Variants in KCNN2 observed in about 807,000 individuals in gnomAD.
KCNN2 encodes small conductance calcium-activated potassium channel protein 2.
KCNN2 carries 24 observed loss-of-function variants against 55.5 expected under a neutral mutation model. The observed-to-expected ratio is 0.43, with a 90% CI of 0.31 to 0.61. The LOEUF (loss-of-function observed/expected upper bound fraction) is 0.61, where lower values mean the gene tolerates loss of function less well. Among genes scored for constraint, KCNN2 ranks in the 20% least tolerant of loss-of-function variants. The pLI is 0.08. For synonymous variants in KCNN2, 431 were observed against 336.1 expected, an observed-to-expected ratio of 1.28 and a Z score of -3.09; for missense variants, 754 against 853.6, an observed-to-expected ratio of 0.88 and a Z score of 1.45.
chr5:114,293,818 G>C (rs1187769358), intron 2 of KCNN2, among the ~76,000 whole-genome samples: 1 of 152,056 alleles, frequency 6.6e-6, no homozygotes, highest in Non-Finnish European at 1.5e-5. Flanking sequence ...AATCCATCTG[G>C]TCCTGGACTC....
intron 3 of KCNN2, among the ~76,000 whole-genome samples, chr5:114,460,384 C>T (rs984570915): frequency 2.6e-5 from 4 of 151,912 alleles, no homozygotes; most frequent in Non-Finnish European, 4.4e-5. Context: ...GTGGGACTAT[C>T]GGCTTACACT....
chr5:114,260,040 A>G (rs1755071789), intron 2 of KCNN2, among the ~76,000 whole-genome samples: 1 of 152,160 alleles, frequency 6.6e-6, no homozygotes, highest in South Asian at 2.1e-4. Context: ...CGTCTGATTC[A>G]TCAGTGAGTC....
At chr5:114,394,894 T>C (rs1328835588) in intron 2 of KCNN2, among the ~76,000 whole-genome samples, 1 of 152,198 alleles carries the variant, frequency 6.6e-6, no homozygotes, top group African/African-American at 2.4e-5. Flanking sequence ...TGTTTTAAAA[T>C]TTATGTGGCT....
At chr5:114,204,820 T>A (rs894285919) in intron 1 of KCNN2, among the ~76,000 whole-genome samples, 1 of 152,244 alleles carries the variant, frequency 6.6e-6, no homozygotes, top group African/African-American at 2.4e-5. Flanking sequence ...CTTTGTTTTG[T>A]TAATCCACTG....
intron 1 of KCNN2, among the ~76,000 whole-genome samples, chr5:114,195,187 A>G (rs1437357711): frequency 6.6e-6 from 1 of 151,888 alleles, no homozygotes; most frequent in East Asian, 1.9e-4. Flanking sequence ...GCATTTACGT[A>G]TGAATTTTAA....
At chr5:114,180,673 T>G (rs1052964603) in intron 1 of KCNN2, among the ~76,000 whole-genome samples, 1 of 152,194 alleles carries the variant, frequency 6.6e-6, no homozygotes, top group Non-Finnish European at 1.5e-5. Context: ...CTTTATGAGC[T>G]TTGTAGATAC....
chr5:114,125,074 A>C (rs150190331), intron 1 of KCNN2, among the ~76,000 whole-genome samples: 17 of 152,322 alleles, frequency 1.1e-4, no homozygotes, highest in African/African-American at 3.6e-4. Context: ...TAAAACCTCA[A>C]CTAAAAGGGG....
chr5:114,185,764 ATTGC>A (rs1277288469), intron 1 of KCNN2, among the ~76,000 whole-genome samples: 7 of 152,210 alleles, frequency 4.6e-5, no homozygotes, highest in Non-Finnish European at 7.3e-5. Flanking sequence ...AATTTGCATG[ATTGC>A]TCAGAATTCA....
intron 1 of KCNN2, among the ~76,000 whole-genome samples, chr5:114,152,452 A>C (rs1036030315): frequency 1.3e-5 from 2 of 152,238 alleles, no homozygotes; most frequent in African/African-American, 4.8e-5. Context: ...ATTTGCAAAT[A>C]TAATTTTTTA....
At chr5:114,266,703 G>A (rs567745712) in intron 2 of KCNN2, among the ~76,000 whole-genome samples, 1 of 152,110 alleles carries the variant, frequency 6.6e-6, no homozygotes, top group Non-Finnish European at 1.5e-5. Context: ...AAAAGATTGA[G>A]CCAAAGCACA....
chr5:114,362,981 C>T lies in KCNN2; in HGVS notation c.842C>T (p.Ser281Phe), dbSNP rs967646810. 73 of 1,590,728 alleles carry T rather than the reference C, an allele frequency of 4.6e-5. No homozygotes were observed. The highest frequency in any genetic ancestry group is 5.4e-5 in the Non-Finnish European group (64 of 1,174,360). Residue 281 changes from serine to phenylalanine, a missense_variant, in exon 1 of 8, where the codon TCT (serine) becomes TTT (phenylalanine). Physicochemically the swap from Ser to Phe is radical, Grantham distance 155 (BLOSUM62 -2). Around this residue, in one of 4 missense-constraint regions of KCNN2, gnomAD observed 381 missense variants for 259.1 expected, o/e 1.47. Transcript: ENST00000673685. ...TCCTCAGCCCCCGAGATCGTGGTGT[C>T]TAAGCCCGAGCACAACAACTCCAAC... ...VSSSAPEIVV[S>F]KPEHNNSNNL...
At chr5:114,373,208 CA>C (rs779947387) in intron 2 of KCNN2, among the ~76,000 whole-genome samples, 3 of 151,990 alleles carry the variant, frequency 2.0e-5, no homozygotes, top group Non-Finnish European at 4.4e-5. Context: ...GTAAATCTGG[CA>C]ATTTGCTTCC....
chr5:114,416,244 T>G (rs189202984), intron 3 of KCNN2, among the ~76,000 whole-genome samples: 3 of 152,076 alleles, frequency 2.0e-5, no homozygotes. Flanking sequence ...CCAATGGGAA[T>G]TTTAAGATTC....
chr5:114,278,711 G>A (rs999054120), intron 2 of KCNN2, among the ~76,000 whole-genome samples: 5 of 152,190 alleles, frequency 3.3e-5, no homozygotes, highest in African/African-American at 1.2e-4. Flanking sequence ...TGCCGGTTGC[G>A]AAGACCATGG....
intron 2 of KCNN2, among the ~76,000 whole-genome samples, chr5:114,266,249 G>T (rs965696886): frequency 6.6e-6 from 1 of 152,062 alleles, no homozygotes; most frequent in South Asian, 2.1e-4. Context: ...CCACATTTCA[G>T]GTGCTCAGCA....
intron 2 of KCNN2, among the ~76,000 whole-genome samples, chr5:114,375,603 A>C (rs1757905823): frequency 6.6e-6 from 1 of 152,132 alleles, no homozygotes; most frequent in South Asian, 2.1e-4. Context: ...TAAAACCTTT[A>C]GCTTACTGCT....
chr5:114,148,538 G>A (rs867508750), intron 1 of KCNN2, among the ~76,000 whole-genome samples: 2 of 152,128 alleles, frequency 1.3e-5, no homozygotes, highest in South Asian at 2.1e-4. Flanking sequence ...GCACTGGGAC[G>A]TGGACTTGGG....
At chr5:114,180,044 CAT>C (rs1753209117) in intron 1 of KCNN2, among the ~76,000 whole-genome samples, 1 of 152,032 alleles carries the variant, frequency 6.6e-6, no homozygotes, top group Non-Finnish European at 1.5e-5. Context: ...GGATATTGGC[CAT>C]ATGTCTTTTC....
chr5:114,400,858 T>C (rs952236273), intron 2 of KCNN2, among the ~76,000 whole-genome samples: 1 of 152,344 alleles, frequency 6.6e-6, no homozygotes, highest in African/African-American at 2.4e-5. Flanking sequence ...TGACCACATC[T>C]ACTGTCATCT....
Sources: allele counts gnomAD v4.1 joint callset (sites outside exome capture counted in the v4.1 genomes callset), GRCh38; gene constraint gnomAD v4.1.1; regional missense constraint gnomAD v4.1.1; transcripts MANE v1.5; gene names NCBI Gene and HGNC (gene_info 2026-07-23, HGNC 2026-07-21).